ARHGEF3: variants seen among roughly 807,000 people sequenced by gnomAD.
ARHGEF3 encodes 59.8 kDA protein.
Under a neutral mutation model 63.2 loss-of-function variants are expected in ARHGEF3, and 28 were observed. The observed-to-expected ratio is 0.44, with a 90% CI of 0.33 to 0.61. The LOEUF (loss-of-function observed/expected upper bound fraction) is 0.61. ARHGEF3 is among the 20% of genes least tolerant of loss of function. ARHGEF3 has a pLI of 0.03. For synonymous variants in ARHGEF3, 266 were observed against 254.2 expected (o/e 1.05, Z -0.44); for missense variants, 533 against 659.3 (o/e 0.81, Z 2.10).
chr3:57,013,788 A>G (rs958579219), intron 2 of ARHGEF3, among the ~76,000 whole-genome samples: 1 of 152,222 alleles, frequency 6.6e-6, no homozygotes, highest in African/African-American at 2.4e-5. Flanking sequence ...AAACATACCA[A>G]TCAGCACCCT....
At chr3:56,823,851 C>T (rs550097171) in intron 4 of ARHGEF3, among the ~76,000 whole-genome samples, 3 of 152,036 alleles carry the variant, frequency 2.0e-5, no homozygotes, top group South Asian at 4.2e-4. Context: ...ATTTGTGAGT[C>T]TATGTGGTAT....
At chr3:56,948,484 C>G (rs377547274) in intron 3 of ARHGEF3, among the ~76,000 whole-genome samples, 11 of 152,030 alleles carry the variant, frequency 7.2e-5, no homozygotes, top group Admixed American at 6.6e-4. Context: ...ACTACCATCA[C>G]AGAATACTAT....
Position 57,035,050 on chromosome 3 carries a change from A to T in ARHGEF3, c.62+38T>A, listed in dbSNP as rs1255652167. The T allele has an allele frequency of 4.7e-6, 7 of 1,489,246 alleles. No individual in the cohort carries two copies. In the East Asian group the frequency reaches 7.4e-5, roughly 16 times the overall value. 92.3% of individuals were successfully genotyped at this position (1,489,246 alleles called of 1,614,324 possible). ...TTTAATTGTTGCATACAGGAATTTT[A>T]AAATTTTTAATTATTTAGGTTATTT... On this transcript the variant is annotated intron_variant, in intron 2 of 12. Coordinates refer to the ARHGEF3 transcript ENST00000338458.
intron 3 of ARHGEF3, among the ~76,000 whole-genome samples, chr3:56,943,136 A>G (rs1214815871): frequency 2.0e-5 from 3 of 151,204 alleles, no homozygotes; most frequent in African/African-American, 4.8e-5. Flanking sequence ...TTTTCAATGT[A>G]GATGAAAAAG....
Position 57,028,639 on chromosome 3 carries a change from A to T in ARHGEF3, c.62+6449T>A, listed in dbSNP as rs1466215536. Among the ~76,000 whole-genome samples the T allele has an allele frequency of 2.1e-4, 31 of 144,234 alleles. No individual in the cohort carries two copies. The Admixed American group carries it at 2.2e-3, about 10-fold the overall frequency. 94.6% of individuals were successfully genotyped at this position (144,234 alleles called of 152,430 possible). ...GCGCACCAGCATGGCACATGTATAC[A>T]TATGTAACTAACCTGCACAATGTGC... On this transcript the variant is annotated intron_variant, in intron 2 of 12. Coordinates refer to the ARHGEF3 transcript ENST00000338458.
chr3:56,768,684 G>GAAAAAAAAAAAAAAAAAAAAAAAAA (rs2035845832), intron 2 of ARHGEF3, among the ~76,000 whole-genome samples: 1 of 109,614 alleles, frequency 9.1e-6, no homozygotes, highest in South Asian at 2.7e-4. Flanking sequence ...AAAAAAAAAA[G>GAAAAAAAAAAAAAAAAAAAAAAAAA]AAGAAGATGA....
rs150961060 is a variant in ARHGEF3 at position 57,021,584 on chromosome 3, C to T, written c.62+13504G>A. 2.6e-4 allele frequency among the ~76,000 whole-genome samples: 40 copies of T among 152,120 alleles called. No individual in the cohort carries two copies. In the East Asian group the frequency reaches 7.6e-3, roughly 29 times the overall value. The stretch of plus-strand genomic sequence containing the variant: ...CTTGGCCAACATGGTGAAACCCCAT[C>T]TCTACTAAAATACAAAAAATTAGCC... On this transcript the variant is annotated intron_variant, in intron 2 of 12. Coordinates refer to the ARHGEF3 transcript ENST00000338458.
In ARHGEF3 at chr3:56,745,294, T is replaced by A. The variant is rs767017001; in HGVS notation, c.781A>T (p.Ser261Cys). 6.2e-7 allele frequency: 1 copy of A among 1,614,082 alleles called. No homozygotes were observed. The highest frequency in any genetic ancestry group is 1.1e-5 in the South Asian group (1 of 91,072). ...DLWNFLDIPRSRLVKYPLLLR... is the reference protein window; with the variant it reads ...DLWNFLDIPRCRLVKYPLLLR... The stretch of plus-strand genomic sequence containing the variant: ...AGCAGAGGGTATTTTACCAGGCGGC[T>A]TCTTGGAATATCGAGGAAATTCCAG... The change falls in exon 7 of 10, where the codon AGC (serine) becomes TGC (cysteine). Residue 261 changes from serine (S) to cysteine (C), a missense_variant. This residue lies in a region of ARHGEF3 where 107 missense variants were observed against 207.9 expected (regional missense o/e 0.51). Coordinates refer to ENST00000296315, the MANE Select transcript of ARHGEF3 (RefSeq NM_019555.3).
chr3:57,076,507 T>C (rs1257957013), intron 1 of ARHGEF3, among the ~76,000 whole-genome samples: 2 of 152,190 alleles, frequency 1.3e-5, no homozygotes, highest in Admixed American at 6.5e-5. Context: ...TCTGGTTCTC[T>C]GCCCCCTCTC....
chr3:56,954,141 C>T (rs1560080259), intron 3 of ARHGEF3, among the ~76,000 whole-genome samples: 2 of 152,156 alleles, frequency 1.3e-5, no homozygotes. Flanking sequence ...AAAAAGGGCT[C>T]TGAAATTTGG....
At chr3:56,987,731 T>C (rs1701597905) in intron 2 of ARHGEF3, among the ~76,000 whole-genome samples, 1 of 152,130 alleles carries the variant, frequency 6.6e-6, no homozygotes, top group Non-Finnish European at 1.5e-5. Flanking sequence ...CCCCCTACCG[T>C]GCACAGCCAA....
At chr3:56,802,604 C>T (rs2037714065), upstream of ARHGEF3, among the ~76,000 whole-genome samples, 1 of 152,100 alleles carries the variant, frequency 6.6e-6, no homozygotes, top group Non-Finnish European at 1.5e-5. Context: ...GAGACCTTTC[C>T]CACTTTGCAC....
At chr3:57,054,928 C>T (rs62250295) in intron 1 of ARHGEF3, among the ~76,000 whole-genome samples, 18,676 of 151,760 alleles carry the variant, frequency 0.12, 1,321 homozygotes, top group Middle Eastern at 0.23. Context: ...GGATTACAGG[C>T]GTGAGCCATC....
chr3:56,994,039 G>A (rs1368694936), intron 2 of ARHGEF3, among the ~76,000 whole-genome samples: 3 of 86,846 alleles, frequency 3.5e-5, no homozygotes, highest in African/African-American at 1.2e-4. Context: ...ACTCCAGCCT[G>A]GGCGACAAGA....
intron 1 of ARHGEF3, chr3:56,775,656 G>A: frequency 2.0e-6 from 2 of 985,706 alleles, no homozygotes; most frequent in Non-Finnish European, 2.4e-6. Context: ...CAGCTCTTCT[G>A]CTTCAGGTGA....
Position 56,729,372 on chromosome 3 carries a change from T to G in ARHGEF3, c.1479A>C (p.Ser493=). ...LEQMDQSDSE[S]DCSMDTSEVS... ...CCTCACTCGTGTCCATACTACAGTCTGACTCACTGTCCGATTGGTCCATCT... is the reference window on the plus strand; with the variant it reads ...CCTCACTCGTGTCCATACTACAGTCGGACTCACTGTCCGATTGGTCCATCT... The change falls in exon 10 of 10, where the codon TCA becomes TCC. Residue 493 remains serine, a synonymous_variant. Coordinates refer to ENST00000296315, the MANE Select transcript of ARHGEF3 (RefSeq NM_019555.3). The G allele has an allele frequency of 6.2e-7, 1 of 1,614,146 alleles. No individual in the cohort carries two copies. The highest frequency in any genetic ancestry group is 1.1e-5 in the South Asian group (1 of 91,076).
chr3:57,052,876 T>C (rs1023216082), intron 1 of ARHGEF3, among the ~76,000 whole-genome samples: 3 of 152,012 alleles, frequency 2.0e-5, no homozygotes, highest in African/African-American at 7.2e-5. Flanking sequence ...CAGGGCACCA[T>C]GGCCCATCCA....
chr3:57,016,956 C>A (rs1333650834), intron 2 of ARHGEF3, among the ~76,000 whole-genome samples: 6 of 151,118 alleles, frequency 4.0e-5, no homozygotes, highest in Admixed American at 4.0e-4. Flanking sequence ...GTCCCCGAAA[C>A]AAGACACAGT....
chr3:57,002,673 A>G (rs1001209834), intron 2 of ARHGEF3, among the ~76,000 whole-genome samples: 2 of 148,828 alleles, frequency 1.3e-5, no homozygotes, highest in Admixed American at 1.3e-4. Context: ...GGTTTGTCAC[A>G]CACATTATTT....
Sources: allele counts gnomAD v4.1 joint callset (sites outside exome capture counted in the v4.1 genomes callset), GRCh38; gene constraint gnomAD v4.1.1; regional missense constraint gnomAD v4.1.1; transcripts MANE v1.5; gene names NCBI Gene and HGNC (gene_info 2026-07-23, HGNC 2026-07-21).